The following MLXIPL variants were observed in gnomAD, a reference collection of about 807,000 sequenced individuals.
MLXIPL encodes the protein carbohydrate-responsive element-binding protein.
A neutral mutation model predicts 81.5 loss-of-function variants in MLXIPL; 49 were observed. That is an observed-to-expected ratio of 0.60 (90% CI 0.48 to 0.76). MLXIPL has a LOEUF of 0.76. Among genes scored for constraint, MLXIPL ranks in the 30% least tolerant of loss-of-function variants. The pLI is 0.00. For synonymous variants in MLXIPL, 466 were observed against 485.5 expected, an observed-to-expected ratio of 0.96 and a Z score of 0.53; for missense variants, 1,053 against 1,167.0, an observed-to-expected ratio of 0.90 and a Z score of 1.42.
At chr7:73,601,277 G>T (rs1794806279) in intron 7 of MLXIPL, among the ~76,000 whole-genome samples, 1 of 151,540 alleles carries the variant, frequency 6.6e-6, no homozygotes, top group Non-Finnish European at 1.5e-5. Flanking sequence ...TGCCCAGGCT[G>T]GTCTCAAACT....
chr7:73,597,626 G>A lies in MLXIPL; in HGVS notation c.1159C>T (p.Pro387Ser). ...AGAGGTGGGGGTACAGGAGGGGGTG[G>A]GAGCCGGGGCTTGGGGTCTTCAGGA... ...LLPEDPKPRL[P>S]PPPVPPPLLH... Residue 387 changes from proline to serine, a missense_variant, in exon 9 of 17, where the codon CCA becomes TCA. Physicochemically the swap from Pro to Ser is moderately conservative, Grantham distance 74. Around this residue, in one of 3 missense-constraint regions of MLXIPL, gnomAD observed 823 missense variants for 933.0 expected, o/e 0.88. Transcript: ENST00000313375. 1 of 1,350,996 alleles carries A rather than the reference G, an allele frequency of 7.4e-7. No homozygotes were observed. Among genetic ancestry groups the A allele is most frequent in the South Asian group, 2.3e-5 (1 of 44,222 alleles). 83.7% of individuals were successfully genotyped at this position (1,350,996 alleles called of 1,614,324 possible). A position where few individuals can be genotyped will look rare whatever the true frequency, so the allele number is the denominator to read the frequency against.
chr7:73,607,276 A>G, intron 4 of MLXIPL, 55 bp downstream of exon 4: 2 of 1,506,306 alleles, frequency 1.3e-6, no homozygotes, highest in Non-Finnish European at 1.8e-6. Context: ...GGCGGGCGGT[A>G]GCCGGCAGCC....
In MLXIPL at chr7:73,597,631, C is replaced by T. The variant is rs782340951; in HGVS notation, c.1154G>A (p.Arg385Gln). The change falls in exon 9 of 17, where the codon CGG becomes CAG. Residue 385 changes from arginine to glutamine, a missense_variant. Around this residue, in one of 3 missense-constraint regions of MLXIPL, gnomAD observed 823 missense variants for 933.0 expected, o/e 0.88. Transcript: ENST00000313375. ...DFLLPEDPKP[R>Q]LPPPPVPPPL... ...TGGGGGTACAGGAGGGGGTGGGAGCCGGGGCTTGGGGTCTTCAGGAAGGAG... is the reference window on the plus strand; with the variant it reads ...TGGGGGTACAGGAGGGGGTGGGAGCTGGGGCTTGGGGTCTTCAGGAAGGAG... 345 of 1,295,514 alleles carry T rather than the reference C, an allele frequency of 2.7e-4. No homozygotes were observed. Among genetic ancestry groups the T allele is most frequent in the Non-Finnish European group, 3.2e-4 (330 of 1,022,520 alleles). The allele number at this position is 1,295,514 out of a possible 1,614,324, so 80.3% of individuals were successfully genotyped here.
chr7:73,627,851 G>A (rs1313034160), upstream of MLXIPL, among the ~76,000 whole-genome samples: 1 of 152,088 alleles, frequency 6.6e-6, no homozygotes, highest in Non-Finnish European at 1.5e-5. Context: ...TGGCTCAGGT[G>A]AAGACCGGAA....
chr7:73,596,653 G>C lies in MLXIPL; in HGVS notation c.1808C>G (p.Pro603Arg). Residue 603 changes from proline (P) to arginine (R), a missense_variant, in exon 11 of 17, where the codon CCC becomes CGC. Pro to Arg is a moderately radical substitution (Grantham distance 103). Transcript: ENST00000313375. This position sits in a 1 kb window ranked among gnomAD's most constrained non-coding sequence, Gnocchi z 4.7. ...LLVPKAERLS[P>R]PAPSGSERRL... is the part of the protein sequence containing the mutation. Reference sequence around the variant, plus strand: ...CCTCTCTTTACCGCTGGGCGCTGGGGGTGAGAGCCGCTCCGCTTTGGGGAC... The same window carrying C: ...CCTCTCTTTACCGCTGGGCGCTGGGCGTGAGAGCCGCTCCGCTTTGGGGAC... 1.3e-6 allele frequency: 2 copies of C among 1,595,030 alleles called. No homozygotes were observed. Among genetic ancestry groups the C allele is most frequent in the Non-Finnish European group, 1.7e-6 (2 of 1,170,634 alleles).
chr7:73,616,433 C>T (rs1383757061), intron 1 of MLXIPL, among the ~76,000 whole-genome samples: 1 of 152,184 alleles, frequency 6.6e-6, no homozygotes, highest in Non-Finnish European at 1.5e-5. Context: ...ACAAAAGCCA[C>T]GCTGAAACCT....
chr7:73,593,593 T>G lies in MLXIPL; in HGVS notation c.*272A>C. ...CTGATTGAACCTTCCCCATCCCCAT[T>G]TTGCAGATTGAAACACAGCGGTCCA... On this transcript the variant is annotated 3_prime_UTR_variant, in exon 17 of 17. Transcript: ENST00000313375. 2.3e-6 allele frequency: 1 copy of G among 425,956 alleles called. No individual in the cohort carries two copies. The allele number at this position is 425,956 out of a possible 1,614,324, so 26.4% of individuals were successfully genotyped here.
intron 2 of MLXIPL, chr7:73,609,884 C>T (rs1795579069): frequency 6.6e-6 from 1 of 152,078 alleles, no homozygotes; most frequent in African/African-American, 2.4e-5. Flanking sequence ...ACCATGTTGC[C>T]CAGGCTGTTG....
the MLXIPL span, among the ~76,000 whole-genome samples, chr7:73,646,572 T>C: frequency 1.3e-5 from 2 of 152,098 alleles, no homozygotes; most frequent in African/African-American, 4.8e-5. Context: ...GCCAGCAGAC[T>C]GTGTCCTTAG....
At chr7:73,639,088 G>A in the MLXIPL span, among the ~76,000 whole-genome samples, 1 of 152,100 alleles carries the variant, frequency 6.6e-6, no homozygotes, top group Non-Finnish European at 1.5e-5. Flanking sequence ...AGTGGACGGT[G>A]GGGAGGAAGA....
At chr7:73,640,368 A>G in the MLXIPL span, among the ~76,000 whole-genome samples, 3 of 150,220 alleles carry the variant, frequency 2.0e-5, no homozygotes, top group Admixed American at 6.7e-5. Context: ...TTGCATCACT[A>G]CACTTCCTGG....
chr7:73,637,608 G>A, the MLXIPL span, among the ~76,000 whole-genome samples: 1 of 152,302 alleles, frequency 6.6e-6, no homozygotes, highest in African/African-American at 2.4e-5. Flanking sequence ...GAGCCAGACA[G>A]AGCAAGGACC....
chr7:73,636,681 A>G, the MLXIPL span, among the ~76,000 whole-genome samples: 3 of 152,192 alleles, frequency 2.0e-5, no homozygotes, highest in Non-Finnish European at 4.4e-5. Context: ...TAGCCCATGG[A>G]CAACTGCCAG....
chr7:73,595,952 C>T lies in MLXIPL; in HGVS notation c.2076G>A (p.Thr692=), dbSNP rs782684257. 1.1e-5 allele frequency: 17 copies of T among 1,613,004 alleles called. No homozygotes were observed. The East Asian group carries it at 3.1e-4, about 30-fold the overall frequency. Residue 692 remains threonine (T), a synonymous_variant, in exon 14 of 17, where the codon ACG becomes ACA. Coordinates refer to ENST00000313375, the MANE Select transcript of MLXIPL (RefSeq NM_032951.3). ...GGATGTACTCAGCTGTCTTCTGCAGCGTGGTAGCTTTGCTCACCTGCAGAC... is the reference window on the plus strand; with the variant it reads ...GGATGTACTCAGCTGTCTTCTGCAGTGTGGTAGCTTTGCTCACCTGCAGAC... ...QPSLKVSKAT[T]LQKTAEYILM...
chr7:73,604,215 CAAAAAAAAAA>C (rs55693159), intron 7 of MLXIPL, among the ~76,000 whole-genome samples: 2 of 50,026 alleles, frequency 4.0e-5, no homozygotes, highest in African/African-American at 8.7e-5. Flanking sequence ...GACTCCGTCT[CAAAAAAAAAA>C]AAAAAAAAAA....
At chr7:73,645,236 C>T in the MLXIPL span, among the ~76,000 whole-genome samples, 3 of 152,084 alleles carry the variant, frequency 2.0e-5, no homozygotes, top group African/African-American at 7.2e-5. Context: ...CTATGCTGTC[C>T]AGGCTGGTCT....
rs1402118777 is a variant in MLXIPL, at chr7:73,605,919, G to T, written c.811C>A (p.Pro271Thr). 11 of 1,586,128 alleles carry T rather than the reference G, an allele frequency of 6.9e-6. No homozygotes were observed. In the Admixed American group the frequency reaches 1.8e-4, roughly 26 times the overall value. The change falls in exon 6 of 17, where the codon CCT (proline) becomes ACT (threonine). Residue 271 changes from proline (P) to threonine (T), a missense_variant. Transcript: ENST00000313375. ...TTTCTCAGACCCTCACCATCCTCAGGCGGCAGCTGCAGGGGCGAAGGGCCG... is the reference window on the plus strand; with the variant it reads ...TTTCTCAGACCCTCACCATCCTCAGTCGGCAGCTGCAGGGGCGAAGGGCCG... ...QSGPSPLQLP[P>T]EDAYVGNADM...
Position 73,599,423 on chromosome 7 carries a change from A to G in MLXIPL, c.1071+103T>C, listed in dbSNP as rs1284384222. The G allele has an allele frequency of 5.6e-6, 8 of 1,420,302 alleles. No homozygotes were observed. The African/African-American group carries it at 1.1e-4, about 20-fold the overall frequency. 88.0% of individuals were successfully genotyped at this position (1,420,302 alleles called of 1,614,324 possible). The stretch of plus-strand genomic sequence containing the variant: ...TCTTTCCCTCCAATCTCCAAGCAGA[A>G]GACTGGGCACTCAGGGAGTGTCTGA... On this transcript the variant is annotated intron_variant, in intron 8 of 16. Coordinates refer to ENST00000313375, the MANE Select transcript of MLXIPL (RefSeq NM_032951.3).
chr7:73,619,492 G>A (rs1359498085), intron 1 of MLXIPL, among the ~76,000 whole-genome samples: 2 of 151,344 alleles, frequency 1.3e-5, no homozygotes, highest in African/African-American at 4.9e-5. Context: ...AGCTGGGCAT[G>A]GTGGTGCAAA....
Sources: allele counts gnomAD v4.1 joint callset (sites outside exome capture counted in the v4.1 genomes callset), GRCh38; gene constraint gnomAD v4.1.1; regional missense constraint gnomAD v4.1.1; non-coding constraint Gnocchi (gnomAD v3.1); transcripts MANE v1.5; gene names NCBI Gene and HGNC (gene_info 2026-07-23, HGNC 2026-07-21).